The following ZNF471 variants were observed in gnomAD, a reference collection of about 807,000 sequenced individuals.
ZNF471 encodes EZFIT-related protein 1.
Under a neutral mutation model 13.7 loss-of-function variants are expected in ZNF471, and 7 were observed. The ratio of observed to expected loss-of-function variants is 0.51; its 90% CI spans 0.29 to 0.96. The LOEUF is 0.96. Among genes scored for constraint, ZNF471 ranks in the 40% least tolerant of loss-of-function variants. ZNF471 has a pLI of 0.08. For missense variants in ZNF471, 663 were observed against 743.3 expected (o/e 0.89, Z 1.26); for synonymous variants, 218 against 235.6 (o/e 0.93, Z 0.68).
Position 56,526,172 on chromosome 19 carries a change from A to G in ZNF471, c.*224A>G. 2.1e-6 allele frequency: 1 copy of G among 487,264 alleles called. No individual in the cohort carries two copies. The highest frequency in any genetic ancestry group is 3.6e-6 in the Non-Finnish European group (1 of 281,670). 30.2% of individuals were successfully genotyped at this position (487,264 alleles called of 1,614,324 possible). ...TATTTCCAGCTGAGGTACCTGGCTC[A>G]TCTCATTGGGACTGGTTAGACAGTG... On this transcript the variant is annotated 3_prime_UTR_variant, in exon 5 of 5. Coordinates refer to ENST00000308031, the MANE Select transcript of ZNF471 (RefSeq NM_020813.4).
chr19:56,511,184 A>T (rs1477031425), intron 1 of ZNF471, among the ~76,000 whole-genome samples: 2 of 151,128 alleles, frequency 1.3e-5, no homozygotes, highest in Non-Finnish European at 2.9e-5. Context: ...TGAAGCAGAG[A>T]CCCAAGAAGA....
In ZNF471 at chr19:56,526,193, CAGTG is replaced by C; in HGVS notation, c.*246_*249del. On this transcript the variant is annotated 3_prime_UTR_variant, in exon 5 of 5. Coordinates refer to ENST00000308031, the MANE Select transcript of ZNF471 (RefSeq NM_020813.4). ...GCTCATCTCATTGGGACTGGTTAGACAGTGGGTGCAGCCCACGGAGGGTGAGCTG... is the reference window on the plus strand; with the variant it reads ...GCTCATCTCATTGGGACTGGTTAGACGGTGCAGCCCACGGAGGGTGAGCTG... The C allele has an allele frequency of 4.7e-6, 2 of 424,640 alleles. No homozygotes were observed. Among genetic ancestry groups the C allele is most frequent in the Admixed American group, 4.1e-5 (1 of 24,676 alleles). The allele number at this position is 424,640 out of a possible 1,614,324, so 26.3% of individuals were successfully genotyped here.
In ZNF471 at chr19:56,529,523, A is replaced by G. The variant is rs899551548; in HGVS notation, c.*3575A>G. On this transcript the variant is annotated 3_prime_UTR_variant, in exon 5 of 5. Coordinates refer to ENST00000308031, the MANE Select transcript of ZNF471 (RefSeq NM_020813.4). ...TTTCATGGCGTAAGATACTGTATGC[A>G]AAGTTAAAAGGCATATGACAGGCTG... 27 of 152,342 alleles carry G rather than the reference A, an allele frequency of 1.8e-4. No individual in the cohort carries two copies. Among genetic ancestry groups the G allele is most frequent in the African/African-American group, 6.3e-4 (26 of 41,582 alleles). 9.4% of individuals were successfully genotyped at this position (152,342 alleles called of 1,614,324 possible).
rs1298505500 is a variant in ZNF471, at chr19:56,508,037, GACT to G, written c.-56+120_-56+122del. 3.0e-5 allele frequency: 30 copies of G among 985,678 alleles called. No individual in the cohort carries two copies. The highest frequency in any genetic ancestry group is 3.5e-5 in the Non-Finnish European group (29 of 830,062). The allele number at this position is 985,678 out of a possible 1,614,324, so 61.1% of individuals were successfully genotyped here. Reference sequence around the variant, plus strand: ...CAGCCGCGTCCTCTGTCCCCAGGACGACTACATTTCCCAGAGGCCAGCGGGGCG... The same window carrying G: ...CAGCCGCGTCCTCTGTCCCCAGGACGACATTTCCCAGAGGCCAGCGGGGCG... On this transcript the variant is annotated intron_variant, in intron 1 of 4. Transcript: ENST00000308031. The surrounding 1 kb of genome is among the most constrained non-coding windows in gnomAD (Gnocchi z 4.7).
intron 4 of ZNF471, among the ~76,000 whole-genome samples, chr19:56,519,977 T>G (rs1296850733): frequency 6.6e-6 from 1 of 152,186 alleles, no homozygotes; most frequent in East Asian, 1.9e-4. Context: ...ATCTGTTGTG[T>G]GTAGTGAATA....
chr19:56,510,995 C>G lies in ZNF471; in HGVS notation c.-55-522C>G, dbSNP rs554417218. On this transcript the variant is annotated intron_variant, in intron 1 of 4. Coordinates refer to ENST00000308031, the MANE Select transcript of ZNF471 (RefSeq NM_020813.4). The surrounding 1 kb of genome is among the most constrained non-coding windows in gnomAD (Gnocchi z 4.3). ...CAGGGTGAGGAAAGTGAAACAGTGC[C>G]GGGGGGTGGGTCAGGGATGCAGTGG... The G allele has an allele frequency of 1.4e-4, 134 of 983,538 alleles. No individual in the cohort carries two copies. Among genetic ancestry groups the G allele is most frequent in the Non-Finnish European group, 1.6e-4 (130 of 829,874 alleles). The allele number at this position is 983,538 out of a possible 1,614,324, so 60.9% of individuals were successfully genotyped here.
Position 56,524,337 on chromosome 19 carries a change from A to G in ZNF471, c.270A>G (p.Ile90Met). 1 of 1,566,360 alleles carries G rather than the reference A, an allele frequency of 6.4e-7. No individual in the cohort carries two copies. Among genetic ancestry groups the G allele is most frequent in the Admixed American group, 2.1e-5 (1 of 48,658 alleles). ...TRSPFSDWES[I>M]YVTQELPLKQ... ...AATATCTTTCAGATTGGGAATCTAT[A>G]TATGTGACACAGGAATTACCTCTGA... is the stretch of plus-strand genomic sequence containing the variant. Residue 90 changes from isoleucine to methionine, a missense_variant, in exon 5 of 5, where the codon ATA becomes ATG. Coordinates refer to ENST00000308031, the MANE Select transcript of ZNF471 (RefSeq NM_020813.4). This position sits in a 1 kb window ranked among gnomAD's most constrained non-coding sequence, Gnocchi z 4.8.
Position 56,524,852 on chromosome 19 carries a change from T to C in ZNF471, c.785T>C (p.Phe262Ser), listed in dbSNP as rs1214025359. ...HHRTHTGEKL[F>S]ECKECRKAFK... ...AGAACACATACTGGAGAGAAACTCT[T>C]TGAATGTAAAGAATGTAGGAAAGCC... The change falls in exon 5 of 5, where the codon TTT (phenylalanine) becomes TCT (serine). Residue 262 changes from phenylalanine (F) to serine (S), a missense_variant. Phe to Ser is a radical substitution (Grantham distance 155, BLOSUM62 -2). Transcript: ENST00000308031. The surrounding 1 kb of genome is among the most constrained non-coding windows in gnomAD (Gnocchi z 4.8). The C allele has an allele frequency of 6.2e-7, 1 of 1,610,228 alleles. No individual in the cohort carries two copies. The highest frequency in any genetic ancestry group is 1.3e-5 in the African/African-American group (1 of 74,632).
chr19:56,510,014 A>C lies in ZNF471; in HGVS notation c.-55-1503A>C. 1.0e-6 allele frequency: 1 copy of C among 985,620 alleles called. No individual in the cohort carries two copies. The highest frequency in any genetic ancestry group is 1.7e-5 in the African/African-American group (1 of 57,342). 61.1% of individuals were successfully genotyped at this position (985,620 alleles called of 1,614,324 possible). On this transcript the variant is annotated intron_variant, in intron 1 of 4. Coordinates refer to ENST00000308031, the MANE Select transcript of ZNF471 (RefSeq NM_020813.4). This position sits in a 1 kb window ranked among gnomAD's most constrained non-coding sequence, Gnocchi z 4.3. Reference sequence around the variant, plus strand: ...AAGCAAGAGACTAGACTGAGAGTTCAGTGATTGGGAGAGACTGGGGTATGT... The same window carrying C: ...AAGCAAGAGACTAGACTGAGAGTTCCGTGATTGGGAGAGACTGGGGTATGT...
intron 2 of ZNF471, among the ~76,000 whole-genome samples, chr19:56,511,944 C>T (rs73934942): frequency 5.6e-4 from 85 of 152,270 alleles, no homozygotes; most frequent in African/African-American, 1.9e-3. Context: ...GCATGCAGTG[C>T]GTTTCCTATA....
rs1272457050 is a variant in ZNF471 at position 56,528,254 on chromosome 19, G to C, written c.*2306G>C. 1 of 152,118 alleles carries C rather than the reference G, an allele frequency of 6.6e-6. No individual in the cohort carries two copies. Among genetic ancestry groups the C allele is most frequent in the East Asian group, 1.9e-4 (1 of 5,200 alleles). The allele number at this position is 152,118 out of a possible 1,614,324, so 9.4% of individuals were successfully genotyped here. A position where few individuals can be genotyped will look rare whatever the true frequency, so the allele number is the denominator to read the frequency against. On this transcript the variant is annotated 3_prime_UTR_variant, in exon 5 of 5. Coordinates refer to ENST00000308031, the MANE Select transcript of ZNF471 (RefSeq NM_020813.4). ...TCTTAAAACTCTAGTTAAAATACTT[G>C]ATGTACATAAAGTGCTTAGCAAAAT...
At position 56,525,532 on chromosome 19, in the gene ZNF471, T is replaced by C. The variant is rs1225940830; in HGVS notation, c.1465T>C (p.Cys489Arg). The C allele has an allele frequency of 1.2e-6, 2 of 1,614,080 alleles. No individual in the cohort carries two copies. Among genetic ancestry groups the C allele is most frequent in the East Asian group, 4.5e-5 (2 of 44,866 alleles). Reference sequence around the variant, plus strand: ...TCATACTGGTGAAAAACCCTATGAATGTAAAGAATGTGGAAAAGCTTTTAG... The same window carrying C: ...TCATACTGGTGAAAAACCCTATGAACGTAAAGAATGTGGAAAAGCTTTTAG... ...RIHTGEKPYECKECGKAFRIS... is the reference protein window; with the variant it reads ...RIHTGEKPYERKECGKAFRIS... Residue 489 changes from cysteine to arginine, a missense_variant, in exon 5 of 5, where the codon TGT (cysteine) becomes CGT (arginine). Physicochemically the swap from Cys to Arg is radical, Grantham distance 180. Transcript: ENST00000308031.
At chr19:56,517,630 A>C (rs1568473348) in intron 3 of ZNF471, among the ~76,000 whole-genome samples, 1 of 152,102 alleles carries the variant, frequency 6.6e-6, no homozygotes, top group Non-Finnish European at 1.5e-5. Context: ...TAATAGAGAC[A>C]GGGTTTCACT....
chr19:56,515,226 C>T (rs1457809172), intron 2 of ZNF471, among the ~76,000 whole-genome samples: 1 of 152,036 alleles, frequency 6.6e-6, no homozygotes, highest in African/African-American at 2.4e-5. Flanking sequence ...GCCAAAGCTC[C>T]TCTGTCCTTA....
At position 56,525,654 on chromosome 19, in the gene ZNF471, C is replaced by G. The variant is rs768662411; in HGVS notation, c.1587C>G (p.His529Gln). The part of the protein sequence containing the change: ...ECGNAFKQRS[H>Q]LAQHQKTHTG... ...GAAATGCTTTCAAACAGAGATCACACCTTGCCCAACATCAGAAAACTCATA... is the reference window on the plus strand; with the variant it reads ...GAAATGCTTTCAAACAGAGATCACAGCTTGCCCAACATCAGAAAACTCATA... Residue 529 changes from histidine (H) to glutamine (Q), a missense_variant, in exon 5 of 5, where the codon CAC (histidine) becomes CAG (glutamine). Physicochemically the swap from His to Gln is conservative, Grantham distance 24. Transcript: ENST00000308031. 1.1e-5 allele frequency: 18 copies of G among 1,613,910 alleles called. No homozygotes were observed. Among genetic ancestry groups the G allele is most frequent in the Admixed American group, 1.7e-5 (1 of 60,002 alleles).
rs1414853741 is a variant in ZNF471 at position 56,510,587 on chromosome 19, T to C, written c.-55-930T>C. 1.0e-6 allele frequency: 1 copy of C among 985,574 alleles called. No homozygotes were observed. The highest frequency in any genetic ancestry group is 1.7e-5 in the African/African-American group (1 of 57,226). 61.1% of individuals were successfully genotyped at this position (985,574 alleles called of 1,614,324 possible). ...CTCAGGCAATGGAAATGTGACTGTG[T>C]ATATGTGCTTGTTTTGGGGTGCTTG... On this transcript the variant is annotated intron_variant, in intron 1 of 4. Transcript: ENST00000308031. This position sits in a 1 kb window ranked among gnomAD's most constrained non-coding sequence, Gnocchi z 4.3.
rs1323802702 is a variant in ZNF471 at position 56,526,472 on chromosome 19, GTTT to G, written c.*529_*531del. The G allele has an allele frequency of 6.5e-6, 1 of 152,940 alleles. No homozygotes were observed. Among genetic ancestry groups the G allele is most frequent in the Admixed American group, 6.5e-5 (1 of 15,344 alleles). The allele number at this position is 152,940 out of a possible 1,614,324, so 9.5% of individuals were successfully genotyped here. A position where few individuals can be genotyped will look rare whatever the true frequency, so the allele number is the denominator to read the frequency against. ...GGCAGACACCGAGCTAGCTGTAGGA[GTTT>G]TTTTGATAGCCCAGTGGCACCTGGA... On this transcript the variant is annotated 3_prime_UTR_variant, in exon 5 of 5. Coordinates refer to ENST00000308031, the MANE Select transcript of ZNF471 (RefSeq NM_020813.4).
In ZNF471 at chr19:56,525,448, T is replaced by C; in HGVS notation, c.1381T>C (p.Cys461Arg). Residue 461 changes from cysteine to arginine, a missense_variant, in exon 5 of 5, where the codon TGC becomes CGC. By Grantham distance (180) the Cys-to-Arg change is radical (BLOSUM62 -3). Transcript: ENST00000308031. ...ACATTCTGGAGAGAAACCGTATGAA[T>C]GCAAGGAATGTGGGAAAGCCTTTAG... Reference protein sequence around the residue: ...RVHSGEKPYECKECGKAFRQN... With the variant: ...RVHSGEKPYERKECGKAFRQN... The C allele has an allele frequency of 1.2e-6, 2 of 1,614,156 alleles. No homozygotes were observed. Among genetic ancestry groups the C allele is most frequent in the Non-Finnish European group, 1.7e-6 (2 of 1,180,050 alleles).
chr19:56,519,379 A>G (rs1289968354), intron 4 of ZNF471, among the ~76,000 whole-genome samples: 1 of 152,136 alleles, frequency 6.6e-6, no homozygotes, highest in Non-Finnish European at 1.5e-5. Context: ...GGGTCTGTCT[A>G]TCCTGAATAT....
Sources: allele counts gnomAD v4.1 joint callset (sites outside exome capture counted in the v4.1 genomes callset), GRCh38; gene constraint gnomAD v4.1.1; non-coding constraint Gnocchi (gnomAD v3.1); transcripts MANE v1.5; gene names NCBI Gene and HGNC (gene_info 2026-07-23, HGNC 2026-07-21).